RELN: variants seen among roughly 807,000 people sequenced by gnomAD.
RELN encodes reelin.
A neutral mutation model predicts 427.6 loss-of-function variants in RELN; 108 were observed. That is an observed-to-expected ratio of 0.25 (90% CI 0.22 to 0.30). The LOEUF (loss-of-function observed/expected upper bound fraction) is 0.30. RELN is among the 10% of genes least tolerant of loss of function. RELN has a pLI of 1.00. For missense variants in RELN, 3,715 were observed against 4,302.8 expected, an observed-to-expected ratio of 0.86 and a Z score of 3.82; for synonymous variants, 1,524 against 1,513.4, an observed-to-expected ratio of 1.01 and a Z score of -0.16.
intron 2 of RELN, among the ~76,000 whole-genome samples, chr7:103,912,400 G>T (rs1284113490): frequency 2.0e-5 from 3 of 151,968 alleles, no homozygotes; most frequent in Non-Finnish European, 4.4e-5. Flanking sequence ...TGGCCAGGCT[G>T]GTCTTGAACT....
At chr7:103,960,110 A>G (rs1182612991) in intron 1 of RELN, among the ~76,000 whole-genome samples, 1 of 152,104 alleles carries the variant, frequency 6.6e-6, no homozygotes, top group African/African-American at 2.4e-5. Flanking sequence ...GAAAAGAAGA[A>G]ATTAGATTAT....
At chr7:103,848,068 G>C (rs1378560552) in intron 2 of RELN, among the ~76,000 whole-genome samples, 1 of 152,144 alleles carries the variant, frequency 6.6e-6, no homozygotes, top group Non-Finnish European at 1.5e-5. Flanking sequence ...AATTCTTTTA[G>C]GTCAGCCAAT....
intron 4 of RELN, among the ~76,000 whole-genome samples, chr7:103,760,412 G>A (rs1483735805): frequency 6.6e-6 from 1 of 152,062 alleles, no homozygotes; most frequent in Non-Finnish European, 1.5e-5. Context: ...CTTGACATAT[G>A]TGTTTTTTTC....
intron 11 of RELN, among the ~76,000 whole-genome samples, chr7:103,670,422 C>T (rs1010767916): frequency 6.6e-6 from 1 of 151,932 alleles, no homozygotes; most frequent in Non-Finnish European, 1.5e-5. Flanking sequence ...ATTAACTGGC[C>T]TTTGTGAAAT....
At chr7:103,708,717 C>A (rs1789708044) in intron 8 of RELN, among the ~76,000 whole-genome samples, 1 of 151,994 alleles carries the variant, frequency 6.6e-6, no homozygotes, top group Non-Finnish European at 1.5e-5. Context: ...CCCGTCTTGG[C>A]CTCCCAAAGT....
intron 2 of RELN, among the ~76,000 whole-genome samples, chr7:103,863,203 C>T (rs1393591684): frequency 6.6e-6 from 1 of 152,056 alleles, no homozygotes; most frequent in Non-Finnish European, 1.5e-5. Flanking sequence ...TGTCAAGATG[C>T]TTATGAATCT....
At position 103,884,192 on chromosome 7, in the gene RELN, T is replaced by C. The variant is rs1288727549; in HGVS notation, c.337+32883A>G. On this transcript the variant is annotated intron_variant, in intron 2 of 64. Transcript: ENST00000428762. ...AACAAGAAATGGGGAAAGGATTCCC[T>C]ATTTAATAAACGTCATTGGAAAAAC... Among the ~76,000 whole-genome samples the C allele has an allele frequency of 2.6e-5, 4 of 152,322 alleles. No individual in the cohort carries two copies. In the East Asian group the frequency reaches 7.7e-4, roughly 29 times the overall value.
At chr7:103,565,193 G>T in intron 34 of RELN, 85 bp downstream of exon 34, 1 of 1,487,186 alleles carries the variant, frequency 6.7e-7, no homozygotes, top group Non-Finnish European at 9.4e-7. Context: ...AAGAATAATA[G>T]AATCCCCAGG....
At chr7:103,916,352 A>G (rs1036728048) in intron 2 of RELN, among the ~76,000 whole-genome samples, 2 of 152,182 alleles carry the variant, frequency 1.3e-5, no homozygotes, top group African/African-American at 4.8e-5. Context: ...TAATCTTTCA[A>G]TTTTGGAGTA....
At position 103,970,163 on chromosome 7, in the gene RELN, G is replaced by A. The variant is rs149776961; in HGVS notation, c.226+18968C>T. Among the ~76,000 whole-genome samples the A allele has an allele frequency of 1.4e-4, 21 of 147,056 alleles. No homozygotes were observed. In the East Asian group the frequency reaches 4.2e-3, roughly 29 times the overall value. On this transcript the variant is annotated intron_variant, in intron 1 of 64. Transcript: ENST00000428762. ...TTTTTTTCCTTTTTTTTTTTTTAGA[G>A]ATGGAGTCTGGCTCAGTCACCCAGC...
At chr7:103,795,958 G>T (rs1208297960) in intron 3 of RELN, among the ~76,000 whole-genome samples, 2 of 152,090 alleles carry the variant, frequency 1.3e-5, no homozygotes, top group Non-Finnish European at 2.9e-5. Flanking sequence ...GTTCATTATG[G>T]CTCATTGCTG....
At chr7:103,535,621 T>A in intron 45 of RELN, 137 bp from the exon 46 acceptor site, 1 of 749,048 alleles carries the variant, frequency 1.3e-6, no homozygotes, top group Non-Finnish European at 2.2e-6. Flanking sequence ...TATTTCCTGC[T>A]TTGAAATGCT....
intron 4 of RELN, among the ~76,000 whole-genome samples, chr7:103,762,555 A>G (rs1374092486): frequency 6.6e-6 from 1 of 152,040 alleles, no homozygotes; most frequent in Admixed American, 6.5e-5. Flanking sequence ...GAGTAGAGAG[A>G]CTCTATCTTG....
intron 8 of RELN, among the ~76,000 whole-genome samples, chr7:103,714,912 A>G (rs1296387502): frequency 6.6e-6 from 1 of 152,228 alleles, no homozygotes; most frequent in Non-Finnish European, 1.5e-5. Context: ...TGTTCTTGAC[A>G]GAGCAAACAA....
chr7:103,820,542 ACACT>A (rs1333536398), intron 3 of RELN, among the ~76,000 whole-genome samples: 1 of 136,586 alleles, frequency 7.3e-6, no homozygotes, highest in Non-Finnish European at 1.6e-5. Context: ...GAAAAGAAAA[ACACT>A]CATTCTTAAA....
chr7:103,855,430 G>A (rs762784204), intron 2 of RELN, among the ~76,000 whole-genome samples: 3 of 152,120 alleles, frequency 2.0e-5, no homozygotes, highest in Non-Finnish European at 4.4e-5. Context: ...AAATAGTAGT[G>A]GCATCTAAAA....
Position 103,531,168 on chromosome 7 carries a change from T to C in RELN, c.7349+4148A>G, listed in dbSNP as rs1450229110. Among the ~76,000 whole-genome samples, 4 of 152,334 alleles carry C rather than the reference T, an allele frequency of 2.6e-5. No homozygotes were observed. The East Asian group carries it at 7.7e-4, about 29-fold the overall frequency. On this transcript the variant is annotated intron_variant, in intron 46 of 64. Transcript: ENST00000428762. ...AATGTTCTCAACACTTCCATGCACATTTATGAGATTTTCATATGGTGAAAA... is the reference window on the plus strand; with the variant it reads ...AATGTTCTCAACACTTCCATGCACACTTATGAGATTTTCATATGGTGAAAA...
intron 11 of RELN, among the ~76,000 whole-genome samples, chr7:103,677,375 C>G (rs887866847): frequency 1.3e-5 from 2 of 148,466 alleles, no homozygotes; most frequent in Non-Finnish European, 3.0e-5. Context: ...CAAACCTGCA[C>G]GTTCTGCACA....
chr7:103,869,598 CT>C (rs943137491), intron 2 of RELN, among the ~76,000 whole-genome samples: 1 of 152,014 alleles, frequency 6.6e-6, no homozygotes, highest in African/African-American at 2.4e-5. Context: ...AGTGTCCTGG[CT>C]TCCATTGTTT....
Sources: gnomAD v4.1 joint callset for allele counts (sites outside exome capture counted in the v4.1 genomes callset) on GRCh38, gnomAD v4.1.1 for gene constraint, MANE v1.5 for transcripts, NCBI Gene and HGNC (gene_info 2026-07-23, HGNC 2026-07-21) for gene names.